The following DAB1 variants were observed in gnomAD, a reference collection of about 807,000 sequenced individuals.
The protein encoded by DAB1 is DAB adaptor protein 1.
A neutral mutation model predicts 64.6 loss-of-function variants in DAB1; 15 were observed. That is an observed-to-expected ratio of 0.23 (90% CI 0.16 to 0.36). DAB1 has a LOEUF of 0.36. Among genes scored for constraint, DAB1 ranks in the 10% least tolerant of loss-of-function variants. The pLI is 1.00. For missense variants in DAB1, 596 were observed against 706.7 expected, an observed-to-expected ratio of 0.84 and a Z score of 1.78; for synonymous variants, 235 against 251.9, an observed-to-expected ratio of 0.93 and a Z score of 0.64.
intron 3 of DAB1, among the ~76,000 whole-genome samples, chr1:58,386,524 C>T (rs1180868208): frequency 6.6e-6 from 1 of 152,082 alleles, no homozygotes; most frequent in African/African-American, 2.4e-5. Context: ...AGTGAAAGAA[C>T]AAGCAGAGAG....
intron 5 of DAB1, among the ~76,000 whole-genome samples, chr1:58,118,835 T>C (rs998107036): frequency 3.3e-5 from 5 of 151,848 alleles, no homozygotes; most frequent in African/African-American, 1.2e-4. Flanking sequence ...TGCTGGGCAG[T>C]ACAGCTCCAG....
At chr1:57,337,222 T>C (rs1218409173) in intron 1 of DAB1, among the ~76,000 whole-genome samples, 1 of 152,194 alleles carries the variant, frequency 6.6e-6, no homozygotes. Context: ...CTGCTCGAAC[T>C]TTCCTAAAAT....
intron 7 of DAB1, among the ~76,000 whole-genome samples, chr1:57,544,816 C>G (rs534881046): frequency 2.0e-5 from 3 of 152,340 alleles, no homozygotes; most frequent in African/African-American, 4.8e-5. Context: ...TCCTTCCTGC[C>G]ATCATGTGAA....
chr1:58,517,527 T>C (rs945996933), intron 2 of DAB1, among the ~76,000 whole-genome samples: 2 of 152,232 alleles, frequency 1.3e-5, no homozygotes, highest in African/African-American at 2.4e-5. Flanking sequence ...TAATTTGATG[T>C]AACTTGAGAG....
intron 7 of DAB1, among the ~76,000 whole-genome samples, chr1:57,504,042 G>T (rs1446943345): frequency 6.6e-6 from 1 of 152,144 alleles, no homozygotes; most frequent in Non-Finnish European, 1.5e-5. Context: ...CTCTCAAAAT[G>T]TGTCCCATGT....
At chr1:57,226,975 C>A (rs1569965671) in intron 2 of DAB1, among the ~76,000 whole-genome samples, 1 of 150,370 alleles carries the variant, frequency 6.7e-6, no homozygotes, top group East Asian at 2.0e-4. Flanking sequence ...CCCAGGAGTT[C>A]AAGACTAGCC....
intron 7 of DAB1, among the ~76,000 whole-genome samples, chr1:57,594,778 T>G (rs981399074): frequency 6.6e-6 from 1 of 152,186 alleles, no homozygotes; most frequent in African/African-American, 2.4e-5. Context: ...TGGCGCCATC[T>G]CGGCTCACTG....
chr1:58,123,846 A>G (rs1446925285), intron 5 of DAB1, among the ~76,000 whole-genome samples: 1 of 152,240 alleles, frequency 6.6e-6, no homozygotes, highest in African/African-American at 2.4e-5. Context: ...ATAATCATTT[A>G]TAAGACTCAG....
At chr1:57,390,034 T>C (rs907755371) in intron 1 of DAB1, among the ~76,000 whole-genome samples, 2 of 151,928 alleles carry the variant, frequency 1.3e-5, no homozygotes, top group Non-Finnish European at 2.9e-5. Context: ...CAAACCAATG[T>C]TGTTAATACT....
In DAB1 at chr1:58,324,148, TA is replaced by T. The variant is rs1662766123; in HGVS notation, n.309+19203del. 2.6e-5 allele frequency among the ~76,000 whole-genome samples: 4 copies of T among 152,102 alleles called. No homozygotes were observed. The South Asian group carries it at 8.3e-4, about 32-fold the overall frequency. ...TAACCATATTAGCCTACAGAGTTAG[TA>T]AATTGTGCCTCTGCCTTCCTCCACA... On this transcript the variant is annotated intron_variant and non_coding_transcript_variant, in intron 4 of 20. Transcript: ENST00000485760.
At chr1:57,349,155 A>C (rs936703164) in intron 1 of DAB1, among the ~76,000 whole-genome samples, 15 of 152,148 alleles carry the variant, frequency 9.9e-5, no homozygotes, top group African/African-American at 3.6e-4. Flanking sequence ...TCCTGTTTGT[A>C]ATAACTCGTC....
intron 3 of DAB1, among the ~76,000 whole-genome samples, chr1:58,432,977 C>A (rs1644896084): frequency 6.6e-6 from 1 of 152,254 alleles, no homozygotes; most frequent in Non-Finnish European, 1.5e-5. Flanking sequence ...CTGTCTGCCT[C>A]CCAGGCATTC....
chr1:57,745,266 C>T (rs1298842152), intron 6 of DAB1, among the ~76,000 whole-genome samples: 4 of 152,038 alleles, frequency 2.6e-5, no homozygotes, highest in African/African-American at 4.8e-5. Flanking sequence ...TATCTGTGTC[C>T]CTTCCATCTA....
At chr1:57,063,582 C>T (rs892742395) in intron 8 of DAB1, among the ~76,000 whole-genome samples, 1 of 152,192 alleles carries the variant, frequency 6.6e-6, no homozygotes, top group Admixed American at 6.5e-5. Context: ...TCTGGTCTCA[C>T]TGTTATGAGC....
intron 6 of DAB1, among the ~76,000 whole-genome samples, chr1:57,802,288 C>T (rs968694803): frequency 6.6e-6 from 1 of 152,166 alleles, no homozygotes; most frequent in African/African-American, 2.4e-5. Flanking sequence ...ATAGTGATAT[C>T]TCTGGTGCTA....
At chr1:58,157,966 C>T (rs1386143018) in intron 4 of DAB1, among the ~76,000 whole-genome samples, 1 of 152,136 alleles carries the variant, frequency 6.6e-6, no homozygotes, top group Non-Finnish European at 1.5e-5. Flanking sequence ...GAATCAATTG[C>T]ACAATTACTG....
At chr1:58,158,108 CT>C (rs78463821) in intron 4 of DAB1, among the ~76,000 whole-genome samples, 15,272 of 152,130 alleles carry the variant, frequency 0.1, 1,100 homozygotes, top group East Asian at 0.29. Flanking sequence ...CCCACCTTCC[CT>C]TTTTTCCTTT....
At chr1:57,035,833 C>CTTTTTTTTTT (rs35389635) in intron 9 of DAB1, among the ~76,000 whole-genome samples, 1 of 61,886 alleles carries the variant, frequency 1.6e-5, no homozygotes. Context: ...CGCACATGCA[C>CTTTTTTTTTT]TTTTTTTTTT....
rs376157535 is a variant in DAB1 at position 57,872,637 on chromosome 1, GA to G, written n.87+11361del. Among the ~76,000 whole-genome samples, 14 of 152,276 alleles carry G rather than the reference GA, an allele frequency of 9.2e-5. No individual in the cohort carries two copies. In the East Asian group the frequency reaches 1.7e-3, roughly 19 times the overall value. ...AAGGGGTCCGCAGTCCCCATTGGGA[GA>G]ACAACATGTAACGGACAGCTGGCCT... On this transcript the variant is annotated intron_variant and non_coding_transcript_variant, in intron 1 of 1. Coordinates refer to the DAB1 transcript ENST00000477280.
Sources: allele counts gnomAD v4.1 joint callset (sites outside exome capture counted in the v4.1 genomes callset), GRCh38; gene constraint gnomAD v4.1.1; transcripts MANE v1.5; gene names NCBI Gene and HGNC (gene_info 2026-07-23, HGNC 2026-07-21).